Variants in TP63 observed in about 807,000 individuals in gnomAD.
The protein encoded by TP63 is tumor protein 63.
TP63 carries 17 observed loss-of-function variants against 82.8 expected under a neutral mutation model. That is an observed-to-expected ratio of 0.21 (90% CI 0.14 to 0.31). The LOEUF is 0.31. TP63 is among the 10% of genes least tolerant of loss of function. TP63 has a pLI of 1.00. For missense variants in TP63, 648 were observed against 895.3 expected, an observed-to-expected ratio of 0.72 and a Z score of 3.52; for synonymous variants, 330 against 321.7, an observed-to-expected ratio of 1.03 and a Z score of -0.28.
chr3:189,813,873 C>A (rs557086175), intron 4 of TP63, among the ~76,000 whole-genome samples: 1 of 152,112 alleles, frequency 6.6e-6, no homozygotes, highest in Non-Finnish European at 1.5e-5. Context: ...GTTAACTGCC[C>A]GTGAATTTGT....
At chr3:189,597,011 C>T in the TP63 span, among the ~76,000 whole-genome samples, 13 of 152,126 alleles carry the variant, frequency 8.5e-5, no homozygotes, top group Admixed American at 8.5e-4. Flanking sequence ...AGACCACGAA[C>T]CCACCGTAAG....
chr3:189,692,997 C>T (rs1022691457), intron 1 of TP63, among the ~76,000 whole-genome samples: 10 of 152,144 alleles, frequency 6.6e-5, no homozygotes, highest in African/African-American at 2.4e-4. Context: ...GAAAAGGGTA[C>T]ATCTGAACCT....
At chr3:189,807,391 T>A (rs1244050915) in intron 3 of TP63, among the ~76,000 whole-genome samples, 1 of 152,268 alleles carries the variant, frequency 6.6e-6, no homozygotes, top group Non-Finnish European at 1.5e-5. Flanking sequence ...AAAATTAATT[T>A]ATTCTTTCAT....
intron 1 of TP63, among the ~76,000 whole-genome samples, chr3:189,700,621 T>C (rs968625987): frequency 1.3e-5 from 2 of 152,156 alleles, no homozygotes; most frequent in African/African-American, 4.8e-5. Context: ...TTAATGGGAA[T>C]TACTGCTGGG....
chr3:189,657,650 G>T (rs1195273844), intron 1 of TP63, among the ~76,000 whole-genome samples: 1 of 152,076 alleles, frequency 6.6e-6, no homozygotes, highest in Non-Finnish European at 1.5e-5. Context: ...ATCTATTGGA[G>T]TAGGAGATTA....
chr3:189,670,573 A>G (rs1560098472), intron 1 of TP63, among the ~76,000 whole-genome samples: 1 of 152,128 alleles, frequency 6.6e-6, no homozygotes, highest in African/African-American at 2.4e-5. Context: ...AGAAGAAATC[A>G]TAAAAGAAAA....
At chr3:189,691,342 A>AC (rs1716903306) in intron 1 of TP63, among the ~76,000 whole-genome samples, 1 of 147,500 alleles carries the variant, frequency 6.8e-6, no homozygotes. Flanking sequence ...CCATCTCAAA[A>AC]AAAAAAAAAA....
intron 1 of TP63, among the ~76,000 whole-genome samples, chr3:189,725,728 C>CAGTG (rs1241272557): frequency 6.6e-6 from 1 of 152,180 alleles, no homozygotes; most frequent in East Asian, 1.9e-4. Context: ...ACTGATTCTT[C>CAGTG]AGTGCAACAC....
At chr3:189,835,629 A>C (rs1713022914) in intron 4 of TP63, among the ~76,000 whole-genome samples, 1 of 152,120 alleles carries the variant, frequency 6.6e-6, no homozygotes, top group African/African-American at 2.4e-5. Context: ...TGTTCCAAAA[A>C]AGTGGGGAAG....
chr3:189,790,996 A>G (rs904490888), intron 3 of TP63, among the ~76,000 whole-genome samples: 3 of 152,116 alleles, frequency 2.0e-5, no homozygotes, highest in East Asian at 3.9e-4. Flanking sequence ...GGAAGTGCCT[A>G]TTTTTCTTTA....
At chr3:189,748,079 C>T (rs940874664) in intron 3 of TP63, among the ~76,000 whole-genome samples, 2 of 151,882 alleles carry the variant, frequency 1.3e-5, no homozygotes, top group African/African-American at 4.8e-5. Context: ...ATGACTAATC[C>T]ACAGCTAACA....
At chr3:189,629,465 C>G (rs150227724), upstream of TP63, among the ~76,000 whole-genome samples, 98 of 152,192 alleles carry the variant, frequency 6.4e-4, no homozygotes, top group East Asian at 0.019. Context: ...GAGATGTTTG[C>G]AAATTGATTA....
chr3:189,741,779 G>T (rs1721005906), intron 3 of TP63, among the ~76,000 whole-genome samples: 1 of 152,148 alleles, frequency 6.6e-6, no homozygotes, highest in South Asian at 2.1e-4. Context: ...TGTTAGCAAA[G>T]GATATTTGAA....
intron 1 of TP63, among the ~76,000 whole-genome samples, chr3:189,693,860 A>C (rs1168565941): frequency 6.6e-6 from 1 of 152,186 alleles, no homozygotes; most frequent in Non-Finnish European, 1.5e-5. Flanking sequence ...TGCCTACCTC[A>C]CAAGGTCGTT....
intron 3 of TP63, 146 bp from the exon 4 acceptor site, chr3:189,808,126 A>G: frequency 7.2e-7 from 1 of 1,383,450 alleles, no homozygotes; most frequent in East Asian, 2.4e-5. Context: ...TCTGTTTACC[A>G]AAAATCAACG....
chr3:189,737,995 C>A, intron 2 of TP63, 127 bp downstream of exon 2: 1 of 1,101,446 alleles, frequency 9.1e-7, no homozygotes, highest in Non-Finnish European at 1.3e-6. Context: ...AAGTTAATGA[C>A]TCCAATGCCA....
chr3:189,756,714 AC>A lies in TP63; in HGVS notation c.324+17943del, dbSNP rs568090517. On this transcript the variant is annotated intron_variant, in intron 3 of 13. Coordinates refer to ENST00000264731, the MANE Select transcript of TP63 (RefSeq NM_003722.5). Reference sequence around the variant, plus strand: ...GTTGCTGTGTTTAATCTGAAAAGAAACCCTTTTCCTTCTGTCTCCTCCCTCT... The same window carrying A: ...GTTGCTGTGTTTAATCTGAAAAGAAACCTTTTCCTTCTGTCTCCTCCCTCT... Among the ~76,000 whole-genome samples the A allele has an allele frequency of 3.3e-5, 5 of 152,074 alleles. No individual in the cohort carries two copies. In the South Asian group the frequency reaches 1.0e-3, roughly 32 times the overall value.
At chr3:189,677,961 T>G (rs916922555) in intron 1 of TP63, among the ~76,000 whole-genome samples, 2 of 152,110 alleles carry the variant, frequency 1.3e-5, no homozygotes, top group South Asian at 4.1e-4. Context: ...GTTGTTTTTG[T>G]TATGATGTTG....
intron 3 of TP63, among the ~76,000 whole-genome samples, chr3:189,778,812 C>G (rs1000669499): frequency 1.3e-5 from 2 of 152,112 alleles, no homozygotes; most frequent in African/African-American, 4.8e-5. Context: ...ATCCCTTACC[C>G]CATAGAGAAA....
Sources: gnomAD v4.1 joint callset for allele counts (sites outside exome capture counted in the v4.1 genomes callset) on GRCh38, gnomAD v4.1.1 for gene constraint, MANE v1.5 for transcripts, NCBI Gene and HGNC (gene_info 2026-07-23, HGNC 2026-07-21) for gene names.